The following EEIG2 variants were observed in gnomAD, a reference collection of about 807,000 sequenced individuals.
EEIG2 encodes the protein EEIG family member 2.
the EEIG2 span, chr1:108,600,439 A>G: frequency 6.5e-6 from 7 of 1,069,606 alleles, no homozygotes; most frequent in Middle Eastern, 2.8e-4. Context: ...TTCCTGCTAC[A>G]CTGTTTACAA....
chr1:108,603,416 C>T, the EEIG2 span, among the ~76,000 whole-genome samples: 1 of 150,088 alleles, frequency 6.7e-6, no homozygotes. Context: ...GAGTTTCAAC[C>T]TAGTAGGAAG....
the EEIG2 span, among the ~76,000 whole-genome samples, chr1:108,597,324 G>A: frequency 6.6e-6 from 1 of 152,170 alleles, no homozygotes; most frequent in African/African-American, 2.4e-5. Context: ...CCAGGTTAGG[G>A]GAAGAAGGTT....
chr1:108,619,124 T>C, the EEIG2 span, among the ~76,000 whole-genome samples: 32,219 of 152,126 alleles, frequency 0.21, 4,353 homozygotes, highest in Non-Finnish European at 0.31. Context: ...TTGCCCTTTC[T>C]CTTCCCTTTT....
chr1:108,560,375 C>T, the EEIG2 span: 4 of 1,473,580 alleles, frequency 2.7e-6, no homozygotes, highest in South Asian at 4.9e-5. Flanking sequence ...CTCGGCCAAG[C>T]TGAGGCGGCG....
the EEIG2 span, chr1:108,612,209 T>C: frequency 3.1e-6 from 5 of 1,613,428 alleles, no homozygotes; most frequent in Non-Finnish European, 4.2e-6. Flanking sequence ...CTGGCAGAGT[T>C]TGCTGGATCA....
chr1:108,595,788 C>A, the EEIG2 span, among the ~76,000 whole-genome samples: 1 of 152,024 alleles, frequency 6.6e-6, no homozygotes, highest in Non-Finnish European at 1.5e-5. Context: ...AATGTAGTAG[C>A]TTTTACATGC....
At chr1:108,593,219 A>G in the EEIG2 span, among the ~76,000 whole-genome samples, 2 of 152,148 alleles carry the variant, frequency 1.3e-5, no homozygotes, top group African/African-American at 4.8e-5. Context: ...CCAGGGCTAC[A>G]TGTTTCTTAG....
chr1:108,572,757 A>G, the EEIG2 span, among the ~76,000 whole-genome samples: 1 of 152,170 alleles, frequency 6.6e-6, no homozygotes, highest in Non-Finnish European at 1.5e-5. Flanking sequence ...CTGGGATTAC[A>G]GGAGCGCGCC....
chr1:108,626,587 C>T, the EEIG2 span: 1 of 152,204 alleles, frequency 6.6e-6, no homozygotes, highest in Non-Finnish European at 1.5e-5. Flanking sequence ...TGAAAACCTA[C>T]ACTCTTATGC....
chr1:108,628,212 G>T, the EEIG2 span: 7 of 1,614,006 alleles, frequency 4.3e-6, no homozygotes, highest in Middle Eastern at 1.6e-4. Flanking sequence ...CTTGGTGCCT[G>T]TGGACATTCT....
chr1:108,623,411 C>T, the EEIG2 span, among the ~76,000 whole-genome samples: 1 of 152,144 alleles, frequency 6.6e-6, no homozygotes, highest in African/African-American at 2.4e-5. Flanking sequence ...AGAAGGATTG[C>T]TTGAGCTGGA....
At chr1:108,566,125 A>G in the EEIG2 span, among the ~76,000 whole-genome samples, 37 of 152,108 alleles carry the variant, frequency 2.4e-4, no homozygotes, top group African/African-American at 2.7e-4. Context: ...TAAATATTCA[A>G]TTACAAGATT....
the EEIG2 span, among the ~76,000 whole-genome samples, chr1:108,570,074 A>G: frequency 3.3e-5 from 5 of 152,234 alleles, no homozygotes; most frequent in African/African-American, 1.2e-4. Flanking sequence ...AAAAATTACC[A>G]TACAGTGTAC....
At chr1:108,560,457 A>C in the EEIG2 span, 6 of 1,612,752 alleles carry the variant, frequency 3.7e-6, no homozygotes, top group Non-Finnish European at 5.1e-6. Context: ...TTTAAGTTTA[A>C]GGTGGACTTC....
chr1:108,579,762 T>TGAGAGAGAGA, the EEIG2 span, among the ~76,000 whole-genome samples: 5 of 22,968 alleles, frequency 2.2e-4, no homozygotes, highest in African/African-American at 5.1e-4. Context: ...TGTGTGTGTG[T>TGAGAGAGAGA]GTGTGTGTGT....
chr1:108,560,381 C>G, the EEIG2 span: 2 of 1,471,970 alleles, frequency 1.4e-6, no homozygotes, highest in East Asian at 2.7e-5. Flanking sequence ...CAAGCTGAGG[C>G]GGCGGCGCCC....
the EEIG2 span, among the ~76,000 whole-genome samples, chr1:108,592,905 C>T: frequency 6.6e-6 from 1 of 152,148 alleles, no homozygotes; most frequent in African/African-American, 2.4e-5. Flanking sequence ...CGCCTGTAAT[C>T]TCAGCACTTT....
the EEIG2 span, among the ~76,000 whole-genome samples, chr1:108,617,168 T>A: frequency 2.6e-5 from 4 of 151,974 alleles, no homozygotes; most frequent in Admixed American, 6.6e-5. Context: ...TGATAGGAGA[T>A]GAGGTCAGAT....
the EEIG2 span, among the ~76,000 whole-genome samples, chr1:108,567,168 T>G: frequency 6.6e-6 from 1 of 152,198 alleles, no homozygotes; most frequent in South Asian, 2.1e-4. Flanking sequence ...AATAAAAAAT[T>G]TTTTAATTAA....
Sources: allele counts gnomAD v4.1 joint callset (sites outside exome capture counted in the v4.1 genomes callset), GRCh38; gene constraint gnomAD v4.1.1; transcripts MANE v1.5; gene names NCBI Gene and HGNC (gene_info 2026-07-23, HGNC 2026-07-21).